Variants in CADM2 observed in about 807,000 individuals in gnomAD.
CADM2 encodes the protein immunoglobulin superfamily member 4D.
Under a neutral mutation model 49.8 loss-of-function variants are expected in CADM2, and 12 were observed. That is an observed-to-expected ratio of 0.24 (90% CI 0.15 to 0.39). The LOEUF (loss-of-function observed/expected upper bound fraction) is 0.39, where lower values mean the gene tolerates loss of function less well. Ranked by LOEUF, CADM2 falls within the 10% of genes least tolerant of loss-of-function variation. The probability of loss-of-function intolerance (pLI) is 1.00; values close to 1 mark genes in which losing one functional copy is unlikely to be tolerated. For missense variants in CADM2, 378 were observed against 492.3 expected (o/e 0.77, Z 2.20); for synonymous variants, 214 against 175.4 (o/e 1.22, Z -1.74).
chr3:85,924,826 C>T (rs898392346), intron 6 of CADM2, among the ~76,000 whole-genome samples: 1 of 152,068 alleles, frequency 6.6e-6, no homozygotes, highest in Non-Finnish European at 1.5e-5. Context: ...TACAAACCCG[C>T]GAAGATTTCT....
At chr3:85,427,700 A>G (rs2036478585) in intron 1 of CADM2, among the ~76,000 whole-genome samples, 2 of 152,156 alleles carry the variant, frequency 1.3e-5, no homozygotes, top group African/African-American at 4.8e-5. Flanking sequence ...TAATAGTGCC[A>G]GCATTATCAC....
chr3:85,995,695 G>A (rs1441268593), intron 8 of CADM2, among the ~76,000 whole-genome samples: 3 of 152,054 alleles, frequency 2.0e-5, no homozygotes, highest in South Asian at 2.1e-4. Flanking sequence ...TTAGTGATAG[G>A]TATTCTTTTT....
intron 1 of CADM2, among the ~76,000 whole-genome samples, chr3:85,403,948 T>C (rs2035247432): frequency 6.6e-6 from 1 of 152,022 alleles, no homozygotes; most frequent in South Asian, 2.1e-4. Context: ...AACAAGCTGA[T>C]CAGATATTCA....
At chr3:85,071,022 A>ATAAG (rs71108204) in intron 1 of CADM2, among the ~76,000 whole-genome samples, 87 of 151,016 alleles carry the variant, frequency 5.8e-4, no homozygotes, top group Non-Finnish European at 9.0e-4. Context: ...AAATAAATAA[A>ATAAG]CAAATAAATA....
chr3:85,537,794 G>C (rs942608517), intron 1 of CADM2, among the ~76,000 whole-genome samples: 4 of 151,982 alleles, frequency 2.6e-5, no homozygotes, highest in Admixed American at 1.3e-4. Flanking sequence ...GTAAAATAAT[G>C]CTAGTTACTG....
intron 1 of CADM2, among the ~76,000 whole-genome samples, chr3:85,269,180 T>G (rs1166023411): frequency 6.6e-6 from 1 of 151,324 alleles, no homozygotes; most frequent in Non-Finnish European, 1.5e-5. Flanking sequence ...TAATAAAAAT[T>G]AAGCCCAGGA....
chr3:85,928,693 A>G (rs780932944), intron 6 of CADM2, among the ~76,000 whole-genome samples: 2 of 152,194 alleles, frequency 1.3e-5, no homozygotes, highest in Non-Finnish European at 2.9e-5. Context: ...TTGGATACTT[A>G]CAAGTACTGA....
intron 1 of CADM2, among the ~76,000 whole-genome samples, chr3:85,468,153 CAAAAAAAA>C (rs57721920): frequency 1.8e-5 from 1 of 55,336 alleles, no homozygotes; most frequent in Admixed American, 2.8e-4. Flanking sequence ...GACTCCGTCT[CAAAAAAAA>C]AAAAAAAAAA....
intron 1 of CADM2, among the ~76,000 whole-genome samples, chr3:85,248,273 AT>A (rs767155651): frequency 6.0e-5 from 9 of 151,056 alleles, no homozygotes; most frequent in African/African-American, 1.7e-4. Flanking sequence ...CTATTTATTT[AT>A]TTTTTTTTAA....
chr3:85,776,748 TCTAATGC>T (rs1003791687), intron 2 of CADM2, among the ~76,000 whole-genome samples: 1 of 152,136 alleles, frequency 6.6e-6, no homozygotes, highest in Non-Finnish European at 1.5e-5. Context: ...ATATTAGATT[TCTAATGC>T]CTTACATAAG....
At chr3:85,151,082 A>G (rs952030063) in intron 1 of CADM2, among the ~76,000 whole-genome samples, 1 of 152,048 alleles carries the variant, frequency 6.6e-6, no homozygotes, top group African/African-American at 2.4e-5. Context: ...AGATGGGGAC[A>G]CAGGGATGTA....
At chr3:85,658,125 C>T (rs1352651911) in intron 1 of CADM2, among the ~76,000 whole-genome samples, 1 of 152,000 alleles carries the variant, frequency 6.6e-6, no homozygotes, top group Non-Finnish European at 1.5e-5. Context: ...AGAGACAGAG[C>T]ACATTCCATT....
chr3:85,715,232 A>G (rs1217792041), intron 1 of CADM2, among the ~76,000 whole-genome samples: 2 of 152,212 alleles, frequency 1.3e-5, no homozygotes, highest in African/African-American at 4.8e-5. Context: ...TTAATTCTAC[A>G]TGACAGTCAT....
At chr3:85,244,149 A>T (rs1326014695) in intron 1 of CADM2, among the ~76,000 whole-genome samples, 1 of 152,154 alleles carries the variant, frequency 6.6e-6, no homozygotes, top group African/African-American at 2.4e-5. Context: ...TATGTATAAA[A>T]GTCATTTTAT....
At chr3:85,183,107 A>C (rs1223646048) in intron 1 of CADM2, among the ~76,000 whole-genome samples, 2 of 152,136 alleles carry the variant, frequency 1.3e-5, no homozygotes, top group African/African-American at 4.8e-5. Context: ...TGTAAATAAA[A>C]TGATACTCTC....
intron 5 of CADM2, among the ~76,000 whole-genome samples, chr3:85,898,876 A>T (rs575537436): frequency 2.4e-4 from 35 of 144,376 alleles, no homozygotes; most frequent in African/African-American, 8.7e-4. Flanking sequence ...TTAATTTTTT[A>T]AAGGCCTTGC....
chr3:85,059,300 A>T (rs2036210337), intron 1 of CADM2, among the ~76,000 whole-genome samples: 1 of 148,548 alleles, frequency 6.7e-6, no homozygotes, highest in Non-Finnish European at 1.5e-5. Flanking sequence ...CCTGTTAAAG[A>T]TCTAGCAAAT....
chr3:85,409,317 A>T (rs1049349117), intron 1 of CADM2, among the ~76,000 whole-genome samples: 3 of 152,182 alleles, frequency 2.0e-5, no homozygotes, highest in Non-Finnish European at 4.4e-5. Context: ...AAAGAAGAGT[A>T]TAGCTAATAT....
In CADM2 at chr3:85,404,284, A is replaced by C. The variant is rs528135991; in HGVS notation, c.62-322238A>C. Among the ~76,000 whole-genome samples the C allele has an allele frequency of 3.3e-5, 5 of 152,142 alleles. No homozygotes were observed. The South Asian group carries it at 1.0e-3, about 32-fold the overall frequency. On this transcript the variant is annotated intron_variant, in intron 1 of 9. Transcript: ENST00000383699. Reference sequence around the variant, plus strand: ...TAGCATTCCTTCACTTTGTGAGATGACTTTGTGCCCTTGGGACCTAATGAC... The same window carrying C: ...TAGCATTCCTTCACTTTGTGAGATGCCTTTGTGCCCTTGGGACCTAATGAC...
Sources: allele counts gnomAD v4.1 joint callset (sites outside exome capture counted in the v4.1 genomes callset), GRCh38; gene constraint gnomAD v4.1.1; transcripts MANE v1.5; gene names NCBI Gene and HGNC (gene_info 2026-07-23, HGNC 2026-07-21).